The following CAMK2B variants were observed in gnomAD, a reference collection of about 807,000 sequenced individuals.
CAMK2B encodes the protein calcium/calmodulin dependent protein kinase II beta.
A neutral mutation model predicts 93.7 loss-of-function variants in CAMK2B; 27 were observed. That is an observed-to-expected ratio of 0.29 (90% CI 0.21 to 0.40). The LOEUF is 0.40. CAMK2B is among the 10% of genes least tolerant of loss of function. The pLI, the probability that CAMK2B is intolerant of heterozygous loss-of-function variation, is 1.00. For missense variants in CAMK2B, 568 were observed against 895.8 expected (o/e 0.63, Z 4.67); for synonymous variants, 374 against 358.8 (o/e 1.04, Z -0.48).
At chr7:44,264,432 A>C (rs1014704574) in intron 2 of CAMK2B, among the ~76,000 whole-genome samples, 7 of 152,154 alleles carry the variant, frequency 4.6e-5, no homozygotes, top group Non-Finnish European at 8.8e-5. Flanking sequence ...ACAGATGGGA[A>C]GGTCTCTGGG....
chr7:44,314,570 T>C (rs1278470764), intron 1 of CAMK2B, among the ~76,000 whole-genome samples: 3 of 152,246 alleles, frequency 2.0e-5, no homozygotes, highest in Admixed American at 2.0e-4. Context: ...TTTTTGGCTA[T>C]TATGGATAAT....
At chr7:44,293,060 C>G (rs1032250062) in intron 1 of CAMK2B, among the ~76,000 whole-genome samples, 1 of 152,148 alleles carries the variant, frequency 6.6e-6, no homozygotes, top group Non-Finnish European at 1.5e-5. Context: ...GTGGCTGCCC[C>G]CTTTGGTCTC....
At chr7:44,314,002 T>G (rs1219213053) in intron 1 of CAMK2B, among the ~76,000 whole-genome samples, 2 of 152,088 alleles carry the variant, frequency 1.3e-5, no homozygotes, top group East Asian at 3.9e-4. Flanking sequence ...CCGCCCACCC[T>G]GAGCCAGGCA....
chr7:44,308,520 G>A (rs1313528212), intron 1 of CAMK2B, among the ~76,000 whole-genome samples: 1 of 151,506 alleles, frequency 6.6e-6, no homozygotes, highest in Non-Finnish European at 1.5e-5. Context: ...CCCTCCTCCT[G>A]TGCATCCCCC....
chr7:44,234,821 G>A, intron 13 of CAMK2B, 145 bp from the exon 14 acceptor site: 3 of 824,678 alleles, frequency 3.6e-6, no homozygotes, highest in Non-Finnish European at 6.0e-6. Context: ...ACCCAGGCTG[G>A]CTCTGAGCAG....
At chr7:44,283,138 G>A (rs564327890) in intron 2 of CAMK2B, among the ~76,000 whole-genome samples, 82 of 152,320 alleles carry the variant, frequency 5.4e-4, no homozygotes, top group Admixed American at 1.1e-3. Context: ...CCACCTTGGG[G>A]CTCCAGCAGG....
chr7:44,230,879 G>C (rs2096572697), intron 17 of CAMK2B, 127 bp downstream of exon 17: 5 of 743,606 alleles, frequency 6.7e-6, no homozygotes, highest in Admixed American at 2.5e-5. Flanking sequence ...CAGGGTCCCT[G>C]AGCCCCTCAA....
intron 1 of CAMK2B, among the ~76,000 whole-genome samples, chr7:44,317,289 C>A (rs1033973192): frequency 6.6e-6 from 1 of 151,274 alleles, no homozygotes; most frequent in African/African-American, 2.4e-5. Flanking sequence ...AAGCTCTGGC[C>A]CTGTGTTGTC....
rs893052218 is a variant in CAMK2B, at chr7:44,248,414, C to T, written c.342-1222G>A. 6.6e-6 allele frequency among the ~76,000 whole-genome samples: 1 copy of T among 152,176 alleles called. No homozygotes were observed. Among genetic ancestry groups the T allele is most frequent in the Non-Finnish European group, 1.5e-5 (1 of 68,020 alleles). On this transcript the variant is annotated intron_variant, in intron 5 of 23. Coordinates refer to ENST00000395749, the MANE Select transcript of CAMK2B (RefSeq NM_001220.5). This position sits in a 1 kb window ranked among gnomAD's most constrained non-coding sequence, Gnocchi z 4.1. ...GCCCAGGTGCCCCTGGAGCCCAACA[C>T]AAGCCCTTCCCCAGGGACAGCTCCA...
At chr7:44,270,079 C>G (rs1039346674) in intron 2 of CAMK2B, among the ~76,000 whole-genome samples, 6 of 151,942 alleles carry the variant, frequency 3.9e-5, no homozygotes, top group Non-Finnish European at 7.4e-5. Context: ...AACGTACCCC[C>G]CCCCCATTCC....
At chr7:44,263,632 G>A (rs865999903) in intron 2 of CAMK2B, among the ~76,000 whole-genome samples, 4 of 152,054 alleles carry the variant, frequency 2.6e-5, no homozygotes, top group African/African-American at 7.2e-5. Context: ...CCAGATCCCC[G>A]GACACCGGAG....
intron 5 of CAMK2B, among the ~76,000 whole-genome samples, chr7:44,247,826 A>G (rs1411136090): frequency 1.3e-5 from 2 of 152,178 alleles, no homozygotes; most frequent in Non-Finnish European, 2.9e-5. Context: ...TCAGGAGTTC[A>G]AGACCAGCCT....
At chr7:44,238,802 G>A (rs2096649128) in intron 13 of CAMK2B, among the ~76,000 whole-genome samples, 1 of 152,188 alleles carries the variant, frequency 6.6e-6, no homozygotes, top group Non-Finnish European at 1.5e-5. Flanking sequence ...AGCTTGGCCT[G>A]CCCTAAGCTC....
intron 2 of CAMK2B, among the ~76,000 whole-genome samples, chr7:44,281,981 C>T (rs991513179): frequency 6.6e-6 from 1 of 152,228 alleles, no homozygotes; most frequent in Non-Finnish European, 1.5e-5. Context: ...GGGCTGGTCC[C>T]AGCCTAACTG....
rs563815258 is a variant in CAMK2B at position 44,257,382 on chromosome 7, C to T, written c.275+1490G>A. On this transcript the variant is annotated intron_variant, in intron 4 of 23. Transcript: ENST00000395749. ...TCCAATGACACCTGCCTGGCATGTG[C>T]TTGGCAAGGCGGGAGACATGAGAGT... Among the ~76,000 whole-genome samples, 3 of 152,350 alleles carry T rather than the reference C, an allele frequency of 2.0e-5. No homozygotes were observed. In the South Asian group the frequency reaches 6.2e-4, roughly 32 times the overall value.
In CAMK2B at chr7:44,262,535, G is replaced by A. The variant is rs143386536; in HGVS notation, c.220+470C>T. ...GTCAGTCTTTCTTTTCCTTGTAATT[G>A]GGCCATCTTGTGGCTTTTCTTGAGG... On this transcript the variant is annotated intron_variant, in intron 3 of 23. Transcript: ENST00000395749. 7.5e-3 allele frequency among the ~76,000 whole-genome samples: 1,137 copies of A among 152,302 alleles called. 8 individuals are homozygous for A. Among genetic ancestry groups the A allele is most frequent in the Non-Finnish European group, 0.012 (843 of 68,022 alleles).
intron 1 of CAMK2B, among the ~76,000 whole-genome samples, chr7:44,287,368 G>A (rs920147843): frequency 1.3e-5 from 2 of 152,122 alleles, no homozygotes; most frequent in African/African-American, 2.4e-5. Context: ...CACCCTGAAA[G>A]GTGCTCCTCC....
intron 1 of CAMK2B, among the ~76,000 whole-genome samples, chr7:44,323,167 C>T (rs1358045093): frequency 6.6e-6 from 1 of 152,252 alleles, no homozygotes; most frequent in Non-Finnish European, 1.5e-5. Flanking sequence ...CAGTGGTAGG[C>T]CCTTGGCGTC....
At chr7:44,227,049 GT>G (rs2096492593) in intron 19 of CAMK2B, among the ~76,000 whole-genome samples, 1 of 1,690 alleles carries the variant, frequency 5.9e-4, no homozygotes, top group Non-Finnish European at 1.4e-3. Flanking sequence ...GACAGAGGGG[GT>G]GTGGGGGACA....
Sources: gnomAD v4.1 joint callset for allele counts (sites outside exome capture counted in the v4.1 genomes callset) on GRCh38, gnomAD v4.1.1 for gene constraint, Gnocchi (gnomAD v3.1) non-coding constraint, MANE v1.5 for transcripts, NCBI Gene and HGNC (gene_info 2026-07-23, HGNC 2026-07-21) for gene names.